The following ZNF521 variants were observed in gnomAD, a reference collection of about 807,000 sequenced individuals.
ZNF521 encodes LYST-interacting protein 3.
In ZNF521, 14 loss-of-function variants were observed where a neutral mutation model predicts 105.5. The observed-to-expected ratio is 0.13, with a 90% CI of 0.09 to 0.21. ZNF521 has a LOEUF of 0.21. Among genes scored for constraint, ZNF521 ranks in the 10% least tolerant of loss-of-function variants. The pLI is 1.00. For synonymous variants in ZNF521, 635 were observed against 606.0 expected, an observed-to-expected ratio of 1.05 and a Z score of -0.70; for missense variants, 1,233 against 1,629.7, an observed-to-expected ratio of 0.76 and a Z score of 4.19.
Position 25,300,319 on chromosome 18 carries a change from T to C in ZNF521, c.220+21689A>G, listed in dbSNP as rs1037799525. ...AAGCAATAAAAGTAATAAATTCTTA[T>C]TGTTTTGTAGCTACTAACTTTCATA... is the stretch of plus-strand genomic sequence containing the variant. On this transcript the variant is annotated intron_variant, in intron 3 of 7. Coordinates refer to ENST00000361524, the MANE Select transcript of ZNF521 (RefSeq NM_015461.3). Among the ~76,000 whole-genome samples the C allele has an allele frequency of 4.6e-5, 7 of 152,236 alleles. No individual in the cohort carries two copies. The South Asian group carries it at 1.0e-3, about 23-fold the overall frequency.
At chr18:25,146,649 C>T (rs185235223) in intron 5 of ZNF521, among the ~76,000 whole-genome samples, 347 of 152,238 alleles carry the variant, frequency 2.3e-3, no homozygotes, top group African/African-American at 8.1e-3. Flanking sequence ...TTAATCGTAA[C>T]TATTTCTTTA....
chr18:25,288,097 GA>G (rs55884209), intron 3 of ZNF521, among the ~76,000 whole-genome samples: 14,164 of 152,044 alleles, frequency 0.093, 848 homozygotes, highest in South Asian at 0.24. Context: ...GGAAAGAAAA[GA>G]AAAAACCTCT....
chr18:25,069,727 G>A (rs778030010), intron 7 of ZNF521, among the ~76,000 whole-genome samples: 11 of 152,228 alleles, frequency 7.2e-5, no homozygotes, highest in Non-Finnish European at 1.0e-4. Context: ...TATGAGAATC[G>A]AAAAGACATA....
At chr18:25,248,452 T>C (rs971601394) in intron 3 of ZNF521, among the ~76,000 whole-genome samples, 1 of 152,258 alleles carries the variant, frequency 6.6e-6, no homozygotes, top group Non-Finnish European at 1.5e-5. Context: ...TTATCATTTA[T>C]GCAGTGGCAG....
intron 5 of ZNF521, among the ~76,000 whole-genome samples, chr18:25,169,526 T>C (rs922797483): frequency 6.6e-6 from 1 of 152,198 alleles, no homozygotes; most frequent in Non-Finnish European, 1.5e-5. Context: ...GAGATTTGTC[T>C]TACTTTCACT....
At chr18:25,105,478 AT>A (rs1420491580) in intron 5 of ZNF521, among the ~76,000 whole-genome samples, 1 of 152,158 alleles carries the variant, frequency 6.6e-6, no homozygotes, top group African/African-American at 2.4e-5. Context: ...TGAGACTCTT[AT>A]TGTTGCTAAG....
intron 5 of ZNF521, among the ~76,000 whole-genome samples, chr18:25,174,590 C>G (rs1396954871): frequency 6.6e-6 from 1 of 152,188 alleles, no homozygotes; most frequent in East Asian, 1.9e-4. Flanking sequence ...TGCACAGGCT[C>G]GCCAAGCGTG....
At chr18:25,155,266 T>C (rs2035122054) in intron 5 of ZNF521, among the ~76,000 whole-genome samples, 3 of 152,204 alleles carry the variant, frequency 2.0e-5, no homozygotes, top group South Asian at 2.1e-4. Context: ...TTTCTTCCTA[T>C]TGAGTTGTAT....
intron 5 of ZNF521, among the ~76,000 whole-genome samples, chr18:25,174,750 C>T (rs1246715649): frequency 6.6e-6 from 1 of 152,200 alleles, no homozygotes; most frequent in Non-Finnish European, 1.5e-5. Context: ...CTATAAACAA[C>T]ATCTTTCACT....
chr18:25,263,283 T>A (rs1909032543), intron 3 of ZNF521, among the ~76,000 whole-genome samples: 1 of 152,174 alleles, frequency 6.6e-6, no homozygotes, highest in Non-Finnish European at 1.5e-5. Flanking sequence ...AAACCAGTGA[T>A]TCTGACCATG....
chr18:25,125,078 C>T (rs923027813), intron 5 of ZNF521, among the ~76,000 whole-genome samples: 1 of 152,104 alleles, frequency 6.6e-6, no homozygotes, highest in Non-Finnish European at 1.5e-5. Flanking sequence ...AAAGAGTATG[C>T]ATGGATCCGA....
chr18:25,351,406 C>G (rs1310237611), intron 1 of ZNF521: 2 of 150,840 alleles, frequency 1.3e-5, no homozygotes, highest in Non-Finnish European at 2.9e-5. Flanking sequence ...AAAAGAAAAG[C>G]GTCTGGGTGA....
At chr18:25,070,128 A>C (rs2033181153) in intron 7 of ZNF521, among the ~76,000 whole-genome samples, 1 of 152,242 alleles carries the variant, frequency 6.6e-6, no homozygotes, top group Non-Finnish European at 1.5e-5. Context: ...ATATTAAAGA[A>C]GGAAAAGGAC....
At position 25,224,648 on chromosome 18, in the gene ZNF521, A is replaced by G; in HGVS notation, c.3270T>C (p.Tyr1090=). Reference sequence around the variant, plus strand: ...GATTCACGCAGCCGGCACACAGACCATATGGCAGGCCATTGATATCAAGTT... The same window carrying G: ...GATTCACGCAGCCGGCACACAGACCGTATGGCAGGCCATTGATATCAAGTT... ...LVKLDINGLP[Y]GLCAGCVNLS... is the part of the protein sequence containing the mutation. Residue 1090 remains tyrosine (Y), a synonymous_variant, in exon 4 of 8, where the codon TAT becomes TAC. Coordinates refer to ENST00000361524, the MANE Select transcript of ZNF521 (RefSeq NM_015461.3). 4 of 1,614,164 alleles carry G rather than the reference A, an allele frequency of 2.5e-6. No individual in the cohort carries two copies. Among genetic ancestry groups the G allele is most frequent in the Non-Finnish European group, 8.5e-7 (1 of 1,180,026 alleles).
chr18:25,267,338 C>A (rs1273365824), intron 3 of ZNF521, among the ~76,000 whole-genome samples: 1 of 152,184 alleles, frequency 6.6e-6, no homozygotes, highest in East Asian at 1.9e-4. Context: ...GAAGGGTCAG[C>A]TGTGGATGCA....
At position 25,350,969 on chromosome 18, in the gene ZNF521, T is replaced by G. The variant is rs538052972; in HGVS notation, c.-1-22A>C. The G allele has an allele frequency of 7.3e-5, 113 of 1,544,012 alleles. 1 individual carries two copies. The South Asian group carries it at 1.2e-3, about 17-fold the overall frequency. ...CATCCTAAAAGCAAACAGCTGAAGT[T>G]GTTTCAATTCAGCCCTGAAAGAAAC... On this transcript the variant is annotated intron_variant, in intron 1 of 7. Coordinates refer to ENST00000361524, the MANE Select transcript of ZNF521 (RefSeq NM_015461.3).
chr18:25,167,941 G>A (rs1307244043), intron 5 of ZNF521, among the ~76,000 whole-genome samples: 1 of 152,168 alleles, frequency 6.6e-6, no homozygotes, highest in Non-Finnish European at 1.5e-5. Flanking sequence ...ATATGTACAA[G>A]GATGAAAAGG....
chr18:25,215,003 T>C (rs2036256218), intron 4 of ZNF521, among the ~76,000 whole-genome samples: 1 of 151,934 alleles, frequency 6.6e-6, no homozygotes, highest in Non-Finnish European at 1.5e-5. Flanking sequence ...AAAATGAAAT[T>C]ATAGTTGGAG....
chr18:25,161,678 T>G (rs2035253646), intron 5 of ZNF521, among the ~76,000 whole-genome samples: 1 of 152,214 alleles, frequency 6.6e-6, no homozygotes, highest in Admixed American at 6.5e-5. Context: ...GAAGACTGCA[T>G]GTACATCACA....
Sources: gnomAD v4.1 joint callset for allele counts (sites outside exome capture counted in the v4.1 genomes callset) on GRCh38, gnomAD v4.1.1 for gene constraint, MANE v1.5 for transcripts, NCBI Gene and HGNC (gene_info 2026-07-23, HGNC 2026-07-21) for gene names.